NRG1: variants seen among roughly 807,000 people sequenced by gnomAD.
NRG1 encodes neuregulin 1.
In NRG1, 18 loss-of-function variants were observed where a neutral mutation model predicts 63.8. That is an observed-to-expected ratio of 0.28 (90% CI 0.19 to 0.42). The LOEUF (loss-of-function observed/expected upper bound fraction) is 0.42, where lower values mean the gene tolerates loss of function less well. Among genes scored for constraint, NRG1 ranks in the 10% least tolerant of loss-of-function variants. The probability of loss-of-function intolerance (pLI) is 1.00; values close to 1 mark genes in which losing one functional copy is unlikely to be tolerated. For missense variants in NRG1, 762 were observed against 814.7 expected, an observed-to-expected ratio of 0.94 and a Z score of 0.79; for synonymous variants, 302 against 301.3, an observed-to-expected ratio of 1.00 and a Z score of -0.02.
chr8:31,842,585 C>G (rs1826294378), intron 1 of NRG1, among the ~76,000 whole-genome samples: 1 of 152,156 alleles, frequency 6.6e-6, no homozygotes, highest in Admixed American at 6.5e-5. Flanking sequence ...TTCCTTCTAC[C>G]TGACCACTCC....
At chr8:32,083,306 G>A (rs1249237411) in intron 1 of NRG1, among the ~76,000 whole-genome samples, 2 of 152,148 alleles carry the variant, frequency 1.3e-5, no homozygotes, top group Non-Finnish European at 2.9e-5. Context: ...TATTAAAATC[G>A]GGAGAAAAAA....
At chr8:31,862,296 T>C (rs779153728) in intron 1 of NRG1, among the ~76,000 whole-genome samples, 26 of 152,150 alleles carry the variant, frequency 1.7e-4, no homozygotes, top group Admixed American at 2.6e-4. Context: ...CATTTTTAAA[T>C]GTACTTAAAT....
chr8:32,397,895 T>A (rs1240807572), intron 1 of NRG1, among the ~76,000 whole-genome samples: 1 of 152,248 alleles, frequency 6.6e-6, no homozygotes, highest in African/African-American at 2.4e-5. Flanking sequence ...CATCTGATTA[T>A]GTTTGGAAAT....
intron 1 of NRG1, among the ~76,000 whole-genome samples, chr8:31,725,308 A>G (rs1302574521): frequency 1.3e-5 from 2 of 152,180 alleles, no homozygotes; most frequent in Non-Finnish European, 2.9e-5. Flanking sequence ...GATACTGAGA[A>G]CATGCCTTGG....
intron 1 of NRG1, among the ~76,000 whole-genome samples, chr8:32,241,672 T>TA (rs1262274760): frequency 1.3e-5 from 2 of 152,182 alleles, no homozygotes; most frequent in African/African-American, 2.4e-5. Context: ...GGTTCATTGT[T>TA]ACAGTTTTCT....
intron 1 of NRG1, among the ~76,000 whole-genome samples, chr8:32,510,232 C>G (rs757801057): frequency 6.6e-6 from 1 of 151,720 alleles, no homozygotes; most frequent in Non-Finnish European, 1.5e-5. Context: ...CATATTGCCT[C>G]GTGTCTATAA....
At chr8:32,091,656 G>A (rs1305740964) in intron 1 of NRG1, among the ~76,000 whole-genome samples, 1 of 152,130 alleles carries the variant, frequency 6.6e-6, no homozygotes, top group Admixed American at 6.5e-5. Flanking sequence ...GACTGGAGTA[G>A]GAGCTAAAGT....
intron 1 of NRG1, among the ~76,000 whole-genome samples, chr8:32,308,022 T>C (rs1856414780): frequency 6.6e-6 from 1 of 152,144 alleles, no homozygotes; most frequent in South Asian, 2.1e-4. Flanking sequence ...ACATTTGTAA[T>C]CTGTTCTGGA....
intron 1 of NRG1, among the ~76,000 whole-genome samples, chr8:32,036,002 T>C (rs942702833): frequency 5.9e-5 from 9 of 152,170 alleles, no homozygotes; most frequent in Admixed American, 1.3e-4. Flanking sequence ...TGCAGACTTT[T>C]TTGATGAAGT....
intron 1 of NRG1, among the ~76,000 whole-genome samples, chr8:32,335,655 C>T (rs1414199358): frequency 6.6e-6 from 1 of 152,088 alleles, no homozygotes; most frequent in African/African-American, 2.4e-5. Context: ...CATAATAGGC[C>T]TTCCATAAGT....
At chr8:31,946,967 C>T (rs1280790208) in intron 1 of NRG1, among the ~76,000 whole-genome samples, 1 of 152,210 alleles carries the variant, frequency 6.6e-6, no homozygotes, top group Non-Finnish European at 1.5e-5. Flanking sequence ...TCTGTGATTG[C>T]CTACTAAATT....
chr8:32,403,486 GCA>G (rs1268578410), intron 1 of NRG1, among the ~76,000 whole-genome samples: 2 of 151,926 alleles, frequency 1.3e-5, no homozygotes, highest in Non-Finnish European at 2.9e-5. Context: ...GCTTCTAGTT[GCA>G]CAGTCTTATA....
At chr8:31,874,591 G>T (rs1448171891) in intron 1 of NRG1, among the ~76,000 whole-genome samples, 3 of 152,048 alleles carry the variant, frequency 2.0e-5, no homozygotes, top group Non-Finnish European at 4.4e-5. Context: ...TTTTTGCTTT[G>T]TATTACAAAC....
At chr8:32,066,368 A>G (rs368458511) in intron 1 of NRG1, among the ~76,000 whole-genome samples, 5 of 152,088 alleles carry the variant, frequency 3.3e-5, no homozygotes, top group African/African-American at 9.7e-5. Flanking sequence ...TTTGTATAAG[A>G]TGTAAGGAAG....
chr8:32,170,305 A>G (rs902403309), intron 1 of NRG1, among the ~76,000 whole-genome samples: 1 of 152,260 alleles, frequency 6.6e-6, no homozygotes, highest in Non-Finnish European at 1.5e-5. Flanking sequence ...AAAAGATAAC[A>G]GCTTCTCACA....
At chr8:32,400,729 C>T (rs954595425) in intron 1 of NRG1, among the ~76,000 whole-genome samples, 27 of 152,164 alleles carry the variant, frequency 1.8e-4, no homozygotes, top group Admixed American at 6.5e-4. Context: ...AGCAGCATGG[C>T]GATTCCTCAA....
intron 1 of NRG1, among the ~76,000 whole-genome samples, chr8:32,052,240 A>G (rs1330674453): frequency 1.4e-5 from 2 of 145,244 alleles, no homozygotes; most frequent in African/African-American, 2.5e-5. Context: ...CTATACAACT[A>G]TTTGAAGTTC....
intron 1 of NRG1, among the ~76,000 whole-genome samples, chr8:32,558,441 G>A (rs1296752902): frequency 2.6e-5 from 4 of 152,094 alleles, no homozygotes; most frequent in African/African-American, 7.2e-5. Context: ...TCTCCCTTAT[G>A]AAATAGAAAA....
chr8:32,682,000 G>A (rs745355407), intron 5 of NRG1, among the ~76,000 whole-genome samples: 27 of 152,126 alleles, frequency 1.8e-4, no homozygotes, highest in Non-Finnish European at 3.2e-4. Flanking sequence ...TGCAAGGCAC[G>A]TATTCCAGAT....
Sources: gnomAD v4.1 joint callset for allele counts (sites outside exome capture counted in the v4.1 genomes callset) on GRCh38, gnomAD v4.1.1 for gene constraint, MANE v1.5 for transcripts, NCBI Gene and HGNC (gene_info 2026-07-23, HGNC 2026-07-21) for gene names.